The following PHLDB1 variants were observed in gnomAD, a reference collection of about 807,000 sequenced individuals.
PHLDB1 encodes pleckstrin homology like domain family B member 1, also known as pleckstrin homology-like domain family B member 1.
Under a neutral mutation model 139.3 loss-of-function variants are expected in PHLDB1, and 65 were observed. The observed-to-expected ratio is 0.47, with a 90% CI of 0.38 to 0.57. PHLDB1 has a LOEUF of 0.57. Ranked by LOEUF, PHLDB1 falls within the 20% of genes least tolerant of loss-of-function variation. The probability of loss-of-function intolerance (pLI) is 0.00; values close to 1 mark genes in which losing one functional copy is unlikely to be tolerated. For missense variants in PHLDB1, 1,624 were observed against 1,839.7 expected, an observed-to-expected ratio of 0.88 and a Z score of 2.14; for synonymous variants, 679 against 734.5, an observed-to-expected ratio of 0.92 and a Z score of 1.22.
In PHLDB1 at chr11:118,645,142, A is replaced by ACTGTGCAT. The variant is rs1218389500; in HGVS notation, c.3122-208_3122-201dup. The ACTGTGCAT allele has an allele frequency of 1.2e-5, 6 of 497,208 alleles. No homozygotes were observed. The Admixed American group carries it at 1.9e-4, about 16-fold the overall frequency. The allele number at this position is 497,208 out of a possible 1,614,324, so 30.8% of individuals were successfully genotyped here. On this transcript the variant is annotated intron_variant, in intron 15 of 22. Transcript: ENST00000600882. The surrounding 1 kb of genome is among the most constrained non-coding windows in gnomAD (Gnocchi z 5.1). Reference sequence around the variant, plus strand: ...GGGTGCGAAAGAGCACTGAAGCCAGACTGTGCATCTGTGGCCGGTTGTGCA... The same window carrying ACTGTGCAT: ...GGGTGCGAAAGAGCACTGAAGCCAGACTGTGCATCTGTGCATCTGTGGCCGGTTGTGCA...
chr11:118,641,482 C>T (rs1946508326), intron 12 of PHLDB1: 3 of 398,898 alleles, frequency 7.5e-6, no homozygotes, highest in South Asian at 2.5e-5. Flanking sequence ...GTTGAGAGGA[C>T]TCTGGCTTTC....
At chr11:118,635,273 G>T in intron 9 of PHLDB1, 120 bp from the exon 10 acceptor site, 1 of 1,213,520 alleles carries the variant, frequency 8.2e-7, no homozygotes, top group Non-Finnish European at 1.2e-6. Context: ...GGGGAGGCAG[G>T]TTTCTTACCC....
intron 10 of PHLDB1, among the ~76,000 whole-genome samples, chr11:118,636,299 G>C (rs879977893): frequency 6.6e-6 from 1 of 152,164 alleles, no homozygotes; most frequent in Non-Finnish European, 1.5e-5. Context: ...GAGTTAGTGT[G>C]GGGGAAGTGA....
rs999907346 is a variant in PHLDB1 at position 118,612,350 on chromosome 11, T to C, written c.-21-1466T>C. ...TTATTATTTTGTTTTTCTTAACCCC[T>C]TTTTTACATAAACTCCCCATTCCCA... On this transcript the variant is annotated intron_variant, in intron 1 of 22. Coordinates refer to ENST00000600882, the MANE Select transcript of PHLDB1 (RefSeq NM_001144758.3). Among the ~76,000 whole-genome samples, 3 of 152,172 alleles carry C rather than the reference T, an allele frequency of 2.0e-5. No individual in the cohort carries two copies. In the East Asian group the frequency reaches 5.8e-4, roughly 29 times the overall value.
rs377342187 is a variant in PHLDB1, at chr11:118,627,757, C to T, written c.934C>T (p.Arg312Trp). Residue 312 changes from arginine (R) to tryptophan (W), a missense_variant, in exon 6 of 23, where the codon CGG (arginine) becomes TGG (tryptophan). Transcript: ENST00000600882. ...RPSGARSESP[R>W]LSRKGGHERP... Reference sequence around the variant, plus strand: ...AAGTGGTGCTCGCTCCGAGAGTCCTCGGCTGAGCAGGAAAGGGGGCCATGA... The same window carrying T: ...AAGTGGTGCTCGCTCCGAGAGTCCTTGGCTGAGCAGGAAAGGGGGCCATGA... 1.1e-5 allele frequency: 18 copies of T among 1,607,678 alleles called. No homozygotes were observed. The highest frequency in any genetic ancestry group is 6.7e-5 in the Admixed American group (4 of 59,994).
chr11:118,643,452 C>T (rs900062088), intron 13 of PHLDB1: 1 of 944,866 alleles, frequency 1.1e-6, no homozygotes, highest in Non-Finnish European at 1.3e-6. Context: ...CAAGGTCACA[C>T]AGCCTGTTAG....
intron 1 of PHLDB1, among the ~76,000 whole-genome samples, chr11:118,609,028 C>T (rs946985963): frequency 6.8e-6 from 1 of 147,026 alleles, no homozygotes; most frequent in Non-Finnish European, 1.5e-5. Context: ...CACACACACA[C>T]CCCAGTCAAA....
rs1160512166 is a variant in PHLDB1, at chr11:118,608,638, A to AC, written c.-22+945dup. Among the ~76,000 whole-genome samples, 4 of 151,348 alleles carry AC rather than the reference A, an allele frequency of 2.6e-5. No homozygotes were observed. The highest frequency in any genetic ancestry group is 9.7e-5 in the African/African-American group (4 of 41,090). ...GGCTGACTCATCGGGCGGCGGGCTC[A>AC]CCCCCCAGCCGTCAAACGCAAACGC... is the stretch of plus-strand genomic sequence containing the variant. On this transcript the variant is annotated intron_variant, in intron 1 of 22. Transcript: ENST00000600882. This position sits in a 1 kb window ranked among gnomAD's most constrained non-coding sequence, Gnocchi z 6.7.
intron 4 of PHLDB1, among the ~76,000 whole-genome samples, chr11:118,622,963 T>A (rs1235205451): frequency 6.6e-6 from 1 of 152,136 alleles, no homozygotes; most frequent in African/African-American, 2.4e-5. Context: ...GGATAGTGAG[T>A]GGCTTTATCC....
Position 118,631,437 on chromosome 11 carries a change from T to G in PHLDB1, c.2058T>G (p.Asn686Lys), listed in dbSNP as rs1944789353. The G allele has an allele frequency of 5.6e-6, 8 of 1,440,106 alleles. No individual in the cohort carries two copies. Among genetic ancestry groups the G allele is most frequent in the Non-Finnish European group, 7.3e-6 (8 of 1,096,476 alleles). The allele number at this position is 1,440,106 out of a possible 1,614,324, so 89.2% of individuals were successfully genotyped here. A position where few individuals can be genotyped will look rare whatever the true frequency, so the allele number is the denominator to read the frequency against. Residue 686 changes from asparagine (N) to lysine (K), a missense_variant, in exon 7 of 23, where the codon AAT becomes AAG. Coordinates refer to ENST00000600882, the MANE Select transcript of PHLDB1 (RefSeq NM_001144758.3). ...WESMERSDEENLKEECSSTES... is the reference protein window; with the variant it reads ...WESMERSDEEKLKEECSSTES... The stretch of plus-strand genomic sequence containing the variant: ...GTATGGAGCGCTCAGATGAGGAAAA[T>G]CTCAAGGAGGAGTGCAGCAGCACTG...
In PHLDB1 at chr11:118,608,605, C is replaced by A. The variant is rs1227400014; in HGVS notation, c.-22+906C>A. 6.6e-6 allele frequency among the ~76,000 whole-genome samples: 1 copy of A among 152,134 alleles called. No individual in the cohort carries two copies. Among genetic ancestry groups the A allele is most frequent in the Non-Finnish European group, 1.5e-5 (1 of 67,996 alleles). ...GGCCGTTAGCTCAGCGGTCCTGGAG[C>A]CTCCCGAGGCTGACTCATCGGGCGG... is the stretch of plus-strand genomic sequence containing the variant. On this transcript the variant is annotated intron_variant, in intron 1 of 22. Transcript: ENST00000600882. This position sits in a 1 kb window ranked among gnomAD's most constrained non-coding sequence, Gnocchi z 6.7.
chr11:118,646,293 A>G (rs1177783675), intron 17 of PHLDB1: 1 of 146,704 alleles, frequency 6.8e-6, no homozygotes, highest in Non-Finnish European at 1.5e-5. Flanking sequence ...AAAAGGTTGT[A>G]TTCCTCAAAC....
chr11:118,641,617 G>T (rs782335709), intron 12 of PHLDB1: 2 of 1,279,498 alleles, frequency 1.6e-6, no homozygotes, highest in East Asian at 1.1e-4. Flanking sequence ...CTCCAAGTAC[G>T]TGATGCTTGA....
intron 20 of PHLDB1, chr11:118,653,351 T>A (rs1948601968): frequency 6.6e-6 from 1 of 152,132 alleles, no homozygotes; most frequent in Admixed American, 6.5e-5. Flanking sequence ...AGATTACGTA[T>A]TATATCTAGG....
chr11:118,629,888 C>A, intron 6 of PHLDB1: 2 of 553,390 alleles, frequency 3.6e-6, no homozygotes, highest in South Asian at 1.8e-5. Context: ...TACCACTAGT[C>A]CTGACCTGCC....
Position 118,656,554 on chromosome 11 carries a change from G to A in PHLDB1, c.3994-129G>A, listed in dbSNP as rs537827684. ...ATGGACTGGTAGGGTCTAGGCTCTG[G>A]ACCTATTTAGGACTAAGCTCCAGGG... On this transcript the variant is annotated intron_variant, in intron 22 of 22. Coordinates refer to ENST00000600882, the MANE Select transcript of PHLDB1 (RefSeq NM_001144758.3). 10 of 782,988 alleles carry A rather than the reference G, an allele frequency of 1.3e-5. No homozygotes were observed. The Admixed American group carries it at 2.0e-4, about 15-fold the overall frequency. 48.5% of individuals were successfully genotyped at this position (782,988 alleles called of 1,614,324 possible). A position where few individuals can be genotyped will look rare whatever the true frequency, so the allele number is the denominator to read the frequency against.
intron 1 of PHLDB1, chr11:118,613,584 A>G: frequency 5.9e-6 from 4 of 675,710 alleles, no homozygotes; most frequent in African/African-American, 1.8e-5. Context: ...TTGTGCTTAC[A>G]GTGGCAGGGG....
At chr11:118,634,872 TTC>T (rs1945364202) in intron 9 of PHLDB1, 1 of 374,136 alleles carries the variant, frequency 2.7e-6, no homozygotes, top group African/African-American at 2.1e-5. Flanking sequence ...GGAGTGTGTG[TTC>T]TGTTTCTCCC....
chr11:118,627,240 C>A lies in PHLDB1; in HGVS notation c.482-65C>A, dbSNP rs556090564. On this transcript the variant is annotated intron_variant, in intron 5 of 22. Transcript: ENST00000600882. ...CCTCACTGTGCTAGGAGGAGGGGGG[C>A]TAGTGCTCTGGCTTTTATGCATATG... is the stretch of plus-strand genomic sequence containing the variant. 2.7e-6 allele frequency: 4 copies of A among 1,502,462 alleles called. No homozygotes were observed. The East Asian group carries it at 9.0e-5, about 34-fold the overall frequency. The allele number at this position is 1,502,462 out of a possible 1,614,324, so 93.1% of individuals were successfully genotyped here. A position where few individuals can be genotyped will look rare whatever the true frequency, so the allele number is the denominator to read the frequency against.
Sources: allele counts gnomAD v4.1 joint callset (sites outside exome capture counted in the v4.1 genomes callset), GRCh38; gene constraint gnomAD v4.1.1; non-coding constraint Gnocchi (gnomAD v3.1); transcripts MANE v1.5; gene names NCBI Gene and HGNC (gene_info 2026-07-23, HGNC 2026-07-21).